The following NKAIN2 variants were observed in gnomAD, a reference collection of about 807,000 sequenced individuals.
NKAIN2 encodes the protein sodium/potassium-transporting ATPase subunit beta-1-interacting protein 2.
Under a neutral mutation model 32.6 loss-of-function variants are expected in NKAIN2, and 14 were observed. The ratio of observed to expected loss-of-function variants is 0.43; its 90% CI spans 0.28 to 0.67. NKAIN2 has a LOEUF of 0.67. Among genes scored for constraint, NKAIN2 ranks in the 30% least tolerant of loss-of-function variants. The pLI is 0.17. For missense variants in NKAIN2, 198 were observed against 258.3 expected (o/e 0.77, Z 1.60); for synonymous variants, 80 against 87.2 (o/e 0.92, Z 0.46).
At chr6:124,069,267 T>A (rs1783329546) in intron 1 of NKAIN2, among the ~76,000 whole-genome samples, 1 of 152,146 alleles carries the variant, frequency 6.6e-6, no homozygotes, top group South Asian at 2.1e-4. Flanking sequence ...AACTCAATTC[T>A]ATGGAGCAGT....
intron 4 of NKAIN2, among the ~76,000 whole-genome samples, chr6:124,742,777 T>C (rs1777281255): frequency 6.6e-6 from 1 of 151,788 alleles, no homozygotes; most frequent in South Asian, 2.1e-4. Flanking sequence ...CATCACGCCC[T>C]TACCTAGGAC....
At chr6:124,728,884 C>A (rs1373939336) in intron 4 of NKAIN2, among the ~76,000 whole-genome samples, 8 of 150,964 alleles carry the variant, frequency 5.3e-5, no homozygotes, top group Non-Finnish European at 1.2e-4. Context: ...ATATCACCAC[C>A]GATCCCACAG....
At chr6:124,490,412 GTTTTTTTT>G (rs3052658) in intron 3 of NKAIN2, 3 of 293,238 alleles carry the variant, frequency 1.0e-5, no homozygotes, top group African/African-American at 7.2e-5. Flanking sequence ...AATCATAGAG[GTTTTTTTT>G]TTTTTTTTTT....
chr6:124,468,489 A>G (rs1054589219), intron 3 of NKAIN2, among the ~76,000 whole-genome samples: 3 of 152,154 alleles, frequency 2.0e-5, no homozygotes, highest in African/African-American at 7.2e-5. Context: ...ATGATGAAAT[A>G]TAATGGGAAA....
At chr6:124,160,189 C>T (rs928972715) in intron 1 of NKAIN2, among the ~76,000 whole-genome samples, 3 of 152,086 alleles carry the variant, frequency 2.0e-5, no homozygotes, top group Admixed American at 2.0e-4. Context: ...GAAAAAGGGA[C>T]AGAGCTAGAG....
At chr6:124,373,952 C>T (rs1254803947) in intron 3 of NKAIN2, among the ~76,000 whole-genome samples, 1 of 151,886 alleles carries the variant, frequency 6.6e-6, no homozygotes, top group Non-Finnish European at 1.5e-5. Flanking sequence ...CAGAGGAGTC[C>T]AGGGAGGTTT....
At chr6:124,809,705 A>C (rs1405082191) in intron 5 of NKAIN2, among the ~76,000 whole-genome samples, 16 of 151,782 alleles carry the variant, frequency 1.1e-4, no homozygotes, top group Non-Finnish European at 1.9e-4. Context: ...CAACCCACAA[A>C]ATGGGAGAAA....
At chr6:124,441,286 C>A (rs1775677528) in intron 3 of NKAIN2, among the ~76,000 whole-genome samples, 1 of 152,008 alleles carries the variant, frequency 6.6e-6, no homozygotes, top group Non-Finnish European at 1.5e-5. Flanking sequence ...ATAATCCATA[C>A]CATGATATAT....
chr6:124,687,521 C>T (rs62647353), intron 4 of NKAIN2, among the ~76,000 whole-genome samples: 23 of 68 alleles, frequency 0.34, no homozygotes, highest in Middle Eastern at 0.5. Context: ...ATATTCCATA[C>T]ATATACATAC....
chr6:124,792,099 T>A (rs993983625), intron 5 of NKAIN2, among the ~76,000 whole-genome samples: 1 of 152,112 alleles, frequency 6.6e-6, no homozygotes, highest in Non-Finnish European at 1.5e-5. Flanking sequence ...ACAGGAGAAC[T>A]GGGGAAAGTA....
chr6:124,470,197 C>A (rs189895292), intron 3 of NKAIN2, among the ~76,000 whole-genome samples: 3 of 152,180 alleles, frequency 2.0e-5, no homozygotes, highest in Admixed American at 6.5e-5. Flanking sequence ...GACCAGGCCA[C>A]CGTGGCTGCA....
chr6:124,784,666 A>G (rs1037724409), intron 4 of NKAIN2, among the ~76,000 whole-genome samples: 1 of 152,122 alleles, frequency 6.6e-6, no homozygotes, highest in Admixed American at 6.5e-5. Flanking sequence ...TTGGGGCGTT[A>G]TGAATAGTGA....
intron 3 of NKAIN2, among the ~76,000 whole-genome samples, chr6:124,410,042 C>T (rs1391134184): frequency 3.3e-5 from 5 of 151,902 alleles, no homozygotes; most frequent in Non-Finnish European, 7.4e-5. Context: ...TGGTGATATC[C>T]CCTTTGTCAT....
At chr6:124,022,218 A>G (rs1426798336) in intron 1 of NKAIN2, among the ~76,000 whole-genome samples, 1 of 152,174 alleles carries the variant, frequency 6.6e-6, no homozygotes, top group Non-Finnish European at 1.5e-5. Context: ...TACAAAGGAC[A>G]TGAACTCATC....
intron 1 of NKAIN2, among the ~76,000 whole-genome samples, chr6:124,081,246 A>G (rs1031076804): frequency 6.6e-6 from 1 of 152,046 alleles, no homozygotes; most frequent in African/African-American, 2.4e-5. Flanking sequence ...ATAAATTTCA[A>G]ATCAATCTAT....
At chr6:124,613,232 G>A (rs1339105516) in intron 3 of NKAIN2, among the ~76,000 whole-genome samples, 1 of 152,150 alleles carries the variant, frequency 6.6e-6, no homozygotes, top group Non-Finnish European at 1.5e-5. Context: ...ACCACTGTGA[G>A]CTGAATACAT....
At chr6:124,808,395 TTAA>T (rs1297742358) in intron 5 of NKAIN2, among the ~76,000 whole-genome samples, 1 of 152,166 alleles carries the variant, frequency 6.6e-6, no homozygotes, top group Non-Finnish European at 1.5e-5. Flanking sequence ...CATGACTATC[TTAA>T]TAGATGCAGA....
At chr6:124,240,159 T>A (rs1793007500) in intron 1 of NKAIN2, among the ~76,000 whole-genome samples, 1 of 151,998 alleles carries the variant, frequency 6.6e-6, no homozygotes, top group Admixed American at 6.6e-5. Flanking sequence ...AATGGATAAA[T>A]TCCTGGACAC....
intron 1 of NKAIN2, among the ~76,000 whole-genome samples, chr6:124,274,605 C>T (rs1467476988): frequency 1.3e-5 from 2 of 152,046 alleles, no homozygotes; most frequent in African/African-American, 2.4e-5. Flanking sequence ...TATTCTCTCT[C>T]ATCATCAATG....
Sources: allele counts gnomAD v4.1 joint callset (sites outside exome capture counted in the v4.1 genomes callset), GRCh38; gene constraint gnomAD v4.1.1; transcripts MANE v1.5; gene names NCBI Gene and HGNC (gene_info 2026-07-23, HGNC 2026-07-21).